UBR1: variants seen among roughly 807,000 people sequenced by gnomAD.
The protein encoded by UBR1 is E3 ubiquitin-protein ligase UBR1.
A neutral mutation model predicts 242.1 loss-of-function variants in UBR1; 102 were observed. The observed-to-expected ratio is 0.42, with a 90% CI of 0.36 to 0.50. The LOEUF (loss-of-function observed/expected upper bound fraction) is 0.50, where lower values mean the gene tolerates loss of function less well. Among genes scored for constraint, UBR1 ranks in the 20% least tolerant of loss-of-function variants. The probability of loss-of-function intolerance (pLI) is 0.01; values close to 1 mark genes in which losing one functional copy is unlikely to be tolerated. For synonymous variants in UBR1, 675 were observed against 684.8 expected, an observed-to-expected ratio of 0.99 and a Z score of 0.22; for missense variants, 1,772 against 2,101.8, an observed-to-expected ratio of 0.84 and a Z score of 3.07.
chr15:43,060,038 A>G lies in UBR1; in HGVS notation c.861+14T>C, dbSNP rs1398858379. On this transcript the variant is annotated intron_variant, in intron 7 of 46. Transcript: ENST00000290650. ...TCTTTAACTTCTCTTTTTCCCCCTAATTCAGAAAGTTACCTTTATATCTTC... is the reference window on the plus strand; with the variant it reads ...TCTTTAACTTCTCTTTTTCCCCCTAGTTCAGAAAGTTACCTTTATATCTTC... 3.1e-6 allele frequency: 5 copies of G among 1,613,488 alleles called. No homozygotes were observed. Among genetic ancestry groups the G allele is most frequent in the Non-Finnish European group, 4.2e-6 (5 of 1,179,656 alleles).
intron 30 of UBR1, among the ~76,000 whole-genome samples, chr15:43,005,878 GC>G (rs1358037630): frequency 1.3e-5 from 2 of 149,550 alleles, no homozygotes; most frequent in East Asian, 3.9e-4. Flanking sequence ...TTAAACAGAT[GC>G]TTGAAGGCAG....
At chr15:43,010,495 G>A (rs981666475) in intron 29 of UBR1, among the ~76,000 whole-genome samples, 5 of 152,198 alleles carry the variant, frequency 3.3e-5, no homozygotes, top group African/African-American at 9.6e-5. Flanking sequence ...TGAATGACAC[G>A]CTATAATTTC....
In UBR1 at chr15:42,998,024, T is replaced by C. The variant is rs143368774; in HGVS notation, c.3757+144A>G. ...AATTTAATAAAGCAATTTAAGCCAC[T>C]TATTTTTAGCTTCAAAAACTTCTAT... On this transcript the variant is annotated intron_variant, in intron 33 of 46. Transcript: ENST00000290650. 7.2e-4 allele frequency: 524 copies of C among 731,836 alleles called. 3 individuals carry two copies. The African/African-American group carries it at 8.5e-3, about 12-fold the overall frequency. The allele number at this position is 731,836 out of a possible 1,614,324, so 45.3% of individuals were successfully genotyped here.
At chr15:43,052,688 C>A (rs2035170) in intron 12 of UBR1, among the ~76,000 whole-genome samples, 2 of 152,186 alleles carry the variant, frequency 1.3e-5, no homozygotes, top group East Asian at 3.9e-4. Context: ...AGTAAATAAA[C>A]ATGTAGGGAA....
Position 43,017,137 on chromosome 15 carries a change from A to G in UBR1, c.2985T>C (p.Ile995=). The change falls in exon 28 of 47, where the codon ATT becomes ATC. Residue 995 remains isoleucine, a synonymous_variant. Transcript: ENST00000290650. Reference sequence around the variant, plus strand: ...ATTCCGATCCTGATGTGGTTGCTACAATTAAACAAGATTTTTCTCTTAATC... The same window carrying G: ...ATTCCGATCCTGATGTGGTTGCTACGATTAAACAAGATTTTTCTCTTAATC... ...VKRLREKSCL[I]VATTSGSESI... 1 of 1,613,874 alleles carries G rather than the reference A, an allele frequency of 6.2e-7. No homozygotes were observed. The highest frequency in any genetic ancestry group is 8.5e-7 in the Non-Finnish European group (1 of 1,179,958).
At position 43,033,317 on chromosome 15, in the gene UBR1, C is replaced by A. The variant is rs2033282090; in HGVS notation, c.2191-686G>T. Among the ~76,000 whole-genome samples, 3 of 151,960 alleles carry A rather than the reference C, an allele frequency of 2.0e-5. No homozygotes were observed. The East Asian group carries it at 5.8e-4, about 29-fold the overall frequency. On this transcript the variant is annotated intron_variant, in intron 19 of 46. Transcript: ENST00000290650. ...CATGAGGTCAGAAGTTTGAGACCAG[C>A]CTGACCAACATGGTGAAATCTCGTC...
At chr15:43,018,760 A>G (rs1024616509) in intron 27 of UBR1, among the ~76,000 whole-genome samples, 1 of 152,180 alleles carries the variant, frequency 6.6e-6, no homozygotes, top group South Asian at 2.1e-4. Context: ...CACCTACAAC[A>G]TAGCTTTAAA....
chr15:42,953,663 G>C (rs1175435846), intron 44 of UBR1, among the ~76,000 whole-genome samples: 2 of 152,154 alleles, frequency 1.3e-5, no homozygotes, highest in Non-Finnish European at 1.5e-5. Context: ...AGCTGGGAGG[G>C]AGCCTAAAGT....
At chr15:43,104,663 T>A (rs1485231977) in intron 1 of UBR1, among the ~76,000 whole-genome samples, 1 of 151,870 alleles carries the variant, frequency 6.6e-6, no homozygotes, top group Non-Finnish European at 1.5e-5. Flanking sequence ...TAGTTCCCTC[T>A]GTTCTCGCAT....
chr15:43,009,939 C>T (rs1374491552), intron 29 of UBR1, among the ~76,000 whole-genome samples: 3 of 152,176 alleles, frequency 2.0e-5, no homozygotes, highest in Admixed American at 6.5e-5. Flanking sequence ...GGCGCGATCT[C>T]GGCTCACTGC....
At chr15:43,006,033 C>G (rs1472790321) in intron 30 of UBR1, among the ~76,000 whole-genome samples, 1 of 147,652 alleles carries the variant, frequency 6.8e-6, no homozygotes, top group East Asian at 2.0e-4. Flanking sequence ...CCACTATTGT[C>G]CTATGACCCT....
chr15:43,045,813 C>T (rs2033478417), intron 14 of UBR1, among the ~76,000 whole-genome samples: 1 of 151,792 alleles, frequency 6.6e-6, no homozygotes, highest in Non-Finnish European at 1.5e-5. Flanking sequence ...GCAGAAGGCA[C>T]TAGAAAAAAA....
intron 29 of UBR1, among the ~76,000 whole-genome samples, chr15:43,013,866 C>T (rs1438905663): frequency 1.3e-5 from 2 of 152,102 alleles, no homozygotes; most frequent in Admixed American, 6.5e-5. Flanking sequence ...CTCCTCCTCC[C>T]CTTCCCCCTC....
intron 45 of UBR1, 60 bp from the exon 46 acceptor site, chr15:42,950,423 G>T: frequency 7.0e-7 from 1 of 1,427,754 alleles, no homozygotes; most frequent in Non-Finnish European, 9.9e-7. Context: ...GATAGGCACT[G>T]CATCAATGTT....
At chr15:43,022,530 T>C (rs1470353852) in intron 26 of UBR1, among the ~76,000 whole-genome samples, 172 bp downstream of exon 26, 8 of 152,036 alleles carry the variant, frequency 5.3e-5, no homozygotes, top group Admixed American at 5.2e-4. Context: ...CTTGAAAATA[T>C]TAGTTACAAA....
chr15:42,978,115 C>T (rs2032318358), intron 37 of UBR1, among the ~76,000 whole-genome samples, 168 bp from the exon 38 acceptor site: 1 of 152,102 alleles, frequency 6.6e-6, no homozygotes, highest in Admixed American at 6.6e-5. Flanking sequence ...ACAAACTGAA[C>T]TGAGAAAAGG....
intron 35 of UBR1, among the ~76,000 whole-genome samples, chr15:42,986,366 T>C (rs1017306556): frequency 6.6e-6 from 1 of 152,234 alleles, no homozygotes; most frequent in African/African-American, 2.4e-5. Flanking sequence ...ATTACTAGAT[T>C]ATAGAACCAC....
At position 43,065,832 on chromosome 15, in the gene UBR1, T is replaced by C. The variant is rs556493987; in HGVS notation, c.798+2066A>G. 1.4e-3 allele frequency among the ~76,000 whole-genome samples: 213 copies of C among 152,360 alleles called. 6 individuals are homozygous for C. In the South Asian group the frequency reaches 0.041, roughly 29 times the overall value. ...TTGGTGAGGTTGTTGGTTTTTTTTC[T>C]TGCAAATTTGTTTAAGTTCCTTGTA... On this transcript the variant is annotated intron_variant, in intron 6 of 46. Coordinates refer to ENST00000290650, the MANE Select transcript of UBR1 (RefSeq NM_174916.3).
chr15:42,967,742 G>C (rs2032133009), intron 40 of UBR1, among the ~76,000 whole-genome samples: 1 of 151,416 alleles, frequency 6.6e-6, no homozygotes, highest in African/African-American at 2.4e-5. Flanking sequence ...TATACTTTCT[G>C]CTCAATTTTT....
Sources: allele counts gnomAD v4.1 joint callset (sites outside exome capture counted in the v4.1 genomes callset), GRCh38; gene constraint gnomAD v4.1.1; transcripts MANE v1.5; gene names NCBI Gene and HGNC (gene_info 2026-07-23, HGNC 2026-07-21).